The following GNPDA1 variants were observed in gnomAD, a reference collection of about 807,000 sequenced individuals.
GNPDA1 encodes GNPDA 1.
In GNPDA1, 24 loss-of-function variants were observed where a neutral mutation model predicts 28.5. That is an observed-to-expected ratio of 0.84 (90% CI 0.61 to 1.19). The LOEUF is 1.19. GNPDA1 is among the 50% of genes most tolerant of loss of function. The pLI is 0.00. For missense variants in GNPDA1, 264 were observed against 367.3 expected (o/e 0.72, Z 2.30); for synonymous variants, 147 against 139.3 (o/e 1.06, Z -0.39).
In GNPDA1 at chr5:142,003,156, C is replaced by CG; in HGVS notation, c.700dup (p.Arg234ProfsTer7). 1 of 1,614,096 alleles carries CG rather than the reference C, an allele frequency of 6.2e-7. No individual in the cohort carries two copies. The highest frequency in any genetic ancestry group is 8.5e-7 in the Non-Finnish European group (1 of 1,179,982). On this transcript the variant is annotated frameshift_variant, in exon 6 of 7. Transcript: ENST00000311337. LOFTEE classifies it high-confidence loss of function. This position sits in a 1 kb window ranked among gnomAD's most constrained non-coding sequence, Gnocchi z 4.0. ...ATCCTCGTCACACACAAACACGGTG[C>CG]GGGGATGCTGCTGGAAGGCAGACAC...
rs746316983 is a variant in GNPDA1, at chr5:142,006,267, G to T, written c.286C>A (p.His96Asn). The change falls in exon 4 of 7, where the codon CAC becomes AAC. Residue 96 changes from histidine to asparagine, a missense_variant. His to Asn is a moderately conservative substitution (Grantham distance 68). Coordinates refer to ENST00000311337, the MANE Select transcript of GNPDA1 (RefSeq NM_005471.5). ...GTGTTTTCTGGGTGGATGTCAATGT[G>T]CTTGAAGAAGTTGTTCCACATGAAG... is the stretch of plus-strand genomic sequence containing the variant. ...HSFMWNNFFKHIDIHPENTHI... is the reference protein window; with the variant it reads ...HSFMWNNFFKNIDIHPENTHI... 1.2e-5 allele frequency: 19 copies of T among 1,613,870 alleles called. No homozygotes were observed. The Admixed American group carries it at 3.0e-4, about 25-fold the overall frequency.
rs774967120 is a variant in GNPDA1, at chr5:142,003,385, TG to T, written c.595-124del. 5.8e-4 allele frequency: 351 copies of T among 606,236 alleles called. 1 individual carries two copies. The highest frequency in any genetic ancestry group is 9.0e-4 in the Non-Finnish European group (315 of 349,832). The allele number at this position is 606,236 out of a possible 1,614,324, so 37.6% of individuals were successfully genotyped here. On this transcript the variant is annotated intron_variant, in intron 5 of 6. Coordinates refer to ENST00000311337, the MANE Select transcript of GNPDA1 (RefSeq NM_005471.5). The surrounding 1 kb of genome is among the most constrained non-coding windows in gnomAD (Gnocchi z 4.0). ...TACCATGCAACATACTTTTGCTCAG[TG>T]CTCCCTGTGCTTTATCACACAAATA...
chr5:142,011,815 C>T (rs1420957039), intron 2 of GNPDA1, 97 bp downstream of exon 2: 4 of 1,404,328 alleles, frequency 2.8e-6, no homozygotes, highest in Non-Finnish European at 4.0e-6. Context: ...CCCAGAGCCC[C>T]CGTGAAGTCC....
intron 5 of GNPDA1, among the ~76,000 whole-genome samples, chr5:142,004,348 C>T (rs537926547): frequency 2.4e-4 from 36 of 152,190 alleles, no homozygotes; most frequent in African/African-American, 3.1e-4. Context: ...TGTCTATACA[C>T]GTCAGAAAGG....
In GNPDA1 at chr5:142,013,022, G is replaced by C. The variant is rs941893633; in HGVS notation, c.-34C>G. ...GGACGCCTCCCGCGGCGGCTGCAGC[G>C]ACTGCGCCGGCGGCCCGGCCCCGCG... On this transcript the variant is annotated 5_prime_UTR_variant, in exon 1 of 7. Coordinates refer to ENST00000311337, the MANE Select transcript of GNPDA1 (RefSeq NM_005471.5). 6.6e-6 allele frequency: 1 copy of C among 150,808 alleles called. No homozygotes were observed. The highest frequency in any genetic ancestry group is 1.5e-5 in the Non-Finnish European group (1 of 67,696). 9.3% of individuals were successfully genotyped at this position (150,808 alleles called of 1,614,324 possible).
At position 142,001,330 on chromosome 5, in the gene GNPDA1, G is replaced by A. The variant is rs1755673168; in HGVS notation, c.*699C>T. On this transcript the variant is annotated 3_prime_UTR_variant, in exon 7 of 7. Transcript: ENST00000311337. The stretch of plus-strand genomic sequence containing the variant: ...AACGGCTTCCACCTTCTGCCTTTTG[G>A]TGCTGGAGAGTCCCTGAGGGAGAGA... 2 of 152,314 alleles carry A rather than the reference G, an allele frequency of 1.3e-5. No individual in the cohort carries two copies. The highest frequency in any genetic ancestry group is 6.5e-5 in the Admixed American group (1 of 15,278). 9.4% of individuals were successfully genotyped at this position (152,314 alleles called of 1,614,324 possible).
At chr5:142,004,909 T>C in intron 5 of GNPDA1, 23 bp downstream of exon 5, 1 of 1,531,576 alleles carries the variant, frequency 6.5e-7, no homozygotes, top group South Asian at 1.2e-5. Context: ...CAGCGCAAGC[T>C]GGTGGGGCCC....
intron 5 of GNPDA1, among the ~76,000 whole-genome samples, chr5:142,004,614 A>C (rs1755754054): frequency 4.6e-5 from 7 of 152,202 alleles, no homozygotes; most frequent in Admixed American, 4.6e-4. Context: ...GTCAGGTACA[A>C]ATATTCCAAC....
At chr5:142,010,010 G>T (rs926340769) in intron 2 of GNPDA1, among the ~76,000 whole-genome samples, 1 of 152,140 alleles carries the variant, frequency 6.6e-6, no homozygotes, top group Non-Finnish European at 1.5e-5. Context: ...CAGAGGTTGG[G>T]TCTCTCCACA....
At position 142,007,649 on chromosome 5, in the gene GNPDA1, A is replaced by G. The variant is rs1596737351; in HGVS notation, c.226+150T>C. ...AGGTCAGCTTTATTAGCCCCATTTT[A>G]TAGCTGAGTAAACCAAGAGGTAAGT... On this transcript the variant is annotated intron_variant, in intron 3 of 6. Coordinates refer to ENST00000311337, the MANE Select transcript of GNPDA1 (RefSeq NM_005471.5). 3 of 629,178 alleles carry G rather than the reference A, an allele frequency of 4.8e-6. No individual in the cohort carries two copies. In the East Asian group the frequency reaches 7.8e-5, roughly 16 times the overall value. The allele number at this position is 629,178 out of a possible 1,614,324, so 39.0% of individuals were successfully genotyped here. A position where few individuals can be genotyped will look rare whatever the true frequency, so the allele number is the denominator to read the frequency against.
At chr5:142,010,797 A>G (rs1755929604) in intron 2 of GNPDA1, among the ~76,000 whole-genome samples, 2 of 151,470 alleles carry the variant, frequency 1.3e-5, no homozygotes. Context: ...TACAGATATG[A>G]GCCACCATGC....
intron 2 of GNPDA1, 42 bp from the exon 3 acceptor site, chr5:142,007,942 A>T (rs1256351508): frequency 8.9e-7 from 1 of 1,129,526 alleles, no homozygotes; most frequent in Admixed American, 1.7e-5. Flanking sequence ...TTGCACCCCA[A>T]GTCTGGAAGC....
At chr5:142,005,198 AG>A in intron 4 of GNPDA1, 82 bp from the exon 5 acceptor site, 1 of 1,091,634 alleles carries the variant, frequency 9.2e-7, no homozygotes, top group Non-Finnish European at 1.3e-6. Flanking sequence ...TTCCCTAACT[AG>A]GGTCTGAAGA....
chr5:142,008,406 C>T (rs1440044766), intron 2 of GNPDA1, among the ~76,000 whole-genome samples: 1 of 152,194 alleles, frequency 6.6e-6, no homozygotes, highest in Admixed American at 6.5e-5. Context: ...TGAGGAGCAG[C>T]GAAGCCCTAG....
chr5:142,007,010 A>G (rs1265651675), intron 3 of GNPDA1, among the ~76,000 whole-genome samples: 4 of 152,104 alleles, frequency 2.6e-5, no homozygotes, highest in African/African-American at 7.2e-5. Context: ...TATATACTCT[A>G]GTTTGATTCT....
intron 2 of GNPDA1, 184 bp downstream of exon 2, chr5:142,011,728 G>T: frequency 1.8e-6 from 1 of 564,890 alleles, no homozygotes. Flanking sequence ...GACAGGCAGC[G>T]ACTAAACCAA....
At position 142,003,801 on chromosome 5, in the gene GNPDA1, T is replaced by C. The variant is rs1175946994; in HGVS notation, c.595-539A>G. Among the ~76,000 whole-genome samples, 1 of 152,204 alleles carries C rather than the reference T, an allele frequency of 6.6e-6. No homozygotes were observed. The highest frequency in any genetic ancestry group is 1.9e-4 in the East Asian group (1 of 5,202). ...ACCTATGAACTAATGTGACTTGGGG[T>C]GATGGTTTTTGTTAATATATAATAA... On this transcript the variant is annotated intron_variant, in intron 5 of 6. Coordinates refer to ENST00000311337, the MANE Select transcript of GNPDA1 (RefSeq NM_005471.5). The surrounding 1 kb of genome is among the most constrained non-coding windows in gnomAD (Gnocchi z 4.0).
intron 2 of GNPDA1, among the ~76,000 whole-genome samples, chr5:142,011,582 C>T (rs535988812): frequency 1.3e-5 from 2 of 152,300 alleles, no homozygotes; most frequent in Middle Eastern, 3.4e-3. Flanking sequence ...TAATTCATTA[C>T]ATAAAATGAA....
chr5:142,008,556 G>A (rs1309158871), intron 2 of GNPDA1, among the ~76,000 whole-genome samples: 4 of 152,156 alleles, frequency 2.6e-5, no homozygotes, highest in African/African-American at 9.7e-5. Flanking sequence ...GTGAAACCCT[G>A]TCTCTACTAA....
Sources: gnomAD v4.1 joint callset for allele counts (sites outside exome capture counted in the v4.1 genomes callset) on GRCh38, gnomAD v4.1.1 for gene constraint, Gnocchi (gnomAD v3.1) non-coding constraint, MANE v1.5 for transcripts, NCBI Gene and HGNC (gene_info 2026-07-23, HGNC 2026-07-21) for gene names.